DOCK4: variants seen among roughly 807,000 people sequenced by gnomAD.
DOCK4 encodes the protein dedicator of cytokinesis protein 4.
DOCK4 carries 97 observed loss-of-function variants against 268.1 expected under a neutral mutation model. The ratio of observed to expected loss-of-function variants is 0.36; its 90% confidence interval spans 0.31 to 0.43. The LOEUF (loss-of-function observed/expected upper bound fraction) is 0.43, where lower values mean the gene tolerates loss of function less well. Among genes scored for constraint, DOCK4 ranks in the 20% least tolerant of loss-of-function variants. The probability of loss-of-function intolerance (pLI) is 1.00; values close to 1 mark genes in which losing one functional copy is unlikely to be tolerated. For synonymous variants in DOCK4, 954 were observed against 887.2 expected (o/e 1.08, Z -1.34); for missense variants, 2,145 against 2,455.7 (o/e 0.87, Z 2.67).
At chr7:111,867,591 A>T (rs929297075) in intron 22 of DOCK4, among the ~76,000 whole-genome samples, 15 of 152,230 alleles carry the variant, frequency 9.9e-5, no homozygotes, top group Admixed American at 7.9e-4. Context: ...GCTGAGTCCA[A>T]TATAATGATT....
intron 1 of DOCK4, among the ~76,000 whole-genome samples, chr7:112,055,861 T>C (rs1281543673): frequency 6.6e-6 from 1 of 151,442 alleles, no homozygotes; most frequent in Admixed American, 6.6e-5. Flanking sequence ...TGAGCCAAGA[T>C]TATGCCACTG....
intron 1 of DOCK4, among the ~76,000 whole-genome samples, chr7:112,030,751 T>C (rs1803203615): frequency 6.6e-6 from 1 of 152,120 alleles, no homozygotes; most frequent in African/African-American, 2.4e-5. Flanking sequence ...TGGAGAGAGC[T>C]CTGATGATAC....
intron 26 of DOCK4, among the ~76,000 whole-genome samples, chr7:111,833,144 A>G (rs922226767): frequency 3.9e-5 from 6 of 152,206 alleles, no homozygotes; most frequent in Non-Finnish European, 5.9e-5. Context: ...GCTTCTAACG[A>G]AAGTTAATAA....
Position 111,728,453 on chromosome 7 carries a change from GCTCGTAGACGCTGTA to G in DOCK4, c.5734_5748del (p.Tyr1912_Glu1916del). The G allele has an allele frequency of 2.5e-6, 4 of 1,606,044 alleles. No homozygotes were observed. Among genetic ancestry groups the G allele is most frequent in the Non-Finnish European group, 3.4e-6 (4 of 1,175,824 alleles). On this transcript the variant is annotated inframe_deletion, in exon 53 of 53. Coordinates refer to ENST00000428084, the MANE Select transcript of DOCK4 (RefSeq NM_001363540.2). Reference sequence around the variant, plus strand: ...AGCGGGACGGGGCGCCGCAGAGTCCGCTCGTAGACGCTGTACGGGGGCGGAGTCTTGCTCTCCTTG... The same window carrying G: ...AGCGGGACGGGGCGCCGCAGAGTCCGCGGGGGCGGAGTCTTGCTCTCCTTG...
chr7:111,867,842 A>G, intron 22 of DOCK4, 142 bp downstream of exon 22: 1 of 807,034 alleles, frequency 1.2e-6, no homozygotes, highest in Non-Finnish European at 1.8e-6. Context: ...TTAAAAGTCT[A>G]CTCATAAAGT....
chr7:111,841,332 T>C (rs1803677023), intron 25 of DOCK4, among the ~76,000 whole-genome samples: 1 of 151,924 alleles, frequency 6.6e-6, no homozygotes, highest in Non-Finnish European at 1.5e-5. Flanking sequence ...GCCTGGCTAA[T>C]TTTTTTGTAT....
chr7:112,165,547 T>TGTGTGTGTGTGTGC (rs1817530602), intron 1 of DOCK4, among the ~76,000 whole-genome samples: 1 of 139,736 alleles, frequency 7.2e-6, no homozygotes, highest in Non-Finnish European at 1.6e-5. Context: ...TGTGTGTGTG[T>TGTGTGTGTGTGTGC]GTGTGTGTGT....
intron 16 of DOCK4, among the ~76,000 whole-genome samples, chr7:111,885,228 T>C (rs1807734751): frequency 6.6e-6 from 1 of 152,330 alleles, no homozygotes; most frequent in East Asian, 1.9e-4. Context: ...AAACTGCAGA[T>C]GTGAGATTCT....
chr7:111,865,193 AG>A (rs1328798816), intron 22 of DOCK4, among the ~76,000 whole-genome samples: 1 of 152,222 alleles, frequency 6.6e-6, no homozygotes, highest in African/African-American at 2.4e-5. Flanking sequence ...ATGGGTTAGC[AG>A]GTGTGTGTCC....
intron 8 of DOCK4, among the ~76,000 whole-genome samples, chr7:111,961,694 G>A (rs1311986239): frequency 1.3e-5 from 2 of 152,204 alleles, no homozygotes; most frequent in Non-Finnish European, 2.9e-5. Flanking sequence ...TATAACGTAT[G>A]TGTGATATAA....
chr7:112,181,629 G>A (rs1819045032), intron 1 of DOCK4, among the ~76,000 whole-genome samples: 1 of 79,864 alleles, frequency 1.3e-5, no homozygotes, highest in Middle Eastern at 0.017. Context: ...AACAGAGTAA[G>A]ACACTGTCTC....
At chr7:111,906,314 G>A (rs1232696867) in intron 13 of DOCK4, among the ~76,000 whole-genome samples, 3 of 152,018 alleles carry the variant, frequency 2.0e-5, no homozygotes, top group Non-Finnish European at 2.9e-5. Context: ...ATGAAGAAAG[G>A]ACTCAGAACC....
Position 111,900,521 on chromosome 7 carries a change from C to T in DOCK4, c.1333G>A (p.Gly445Ser), listed in dbSNP as rs762687484. The change falls in exon 15 of 53, where the codon GGC becomes AGC. Residue 445 changes from glycine to serine, a missense_variant. Physicochemically the swap from Gly to Ser is moderately conservative, Grantham distance 56. This residue lies in a region of DOCK4 where 1,598 missense variants were observed against 1,986.7 expected (regional missense o/e 0.80). Transcript: ENST00000428084. ...GQTLKDFISFGSGEPPASEYH... is the reference protein window; with the variant it reads ...GQTLKDFISFSSGEPPASEYH... ...TCACTGGCTGGTGGCTCCCCAGAGC[C>T]GAAGGAGATAAAATCCTAACAAAGG... 4.3e-6 allele frequency: 7 copies of T among 1,610,686 alleles called. No homozygotes were observed. The highest frequency in any genetic ancestry group is 5.9e-6 in the Non-Finnish European group (7 of 1,178,594).
At chr7:112,004,343 T>C (rs1013664641) in intron 1 of DOCK4, among the ~76,000 whole-genome samples, 7 of 152,190 alleles carry the variant, frequency 4.6e-5, no homozygotes, top group African/African-American at 1.7e-4. Context: ...GCATTTCACA[T>C]ATATGAAATT....
intron 23 of DOCK4, among the ~76,000 whole-genome samples, chr7:111,860,886 A>T (rs1805454525): frequency 6.6e-6 from 1 of 152,232 alleles, no homozygotes; most frequent in Non-Finnish European, 1.5e-5. Flanking sequence ...CCAAGGACAG[A>T]TTACATTGCT....
intron 1 of DOCK4, among the ~76,000 whole-genome samples, chr7:112,093,067 T>G (rs976399746): frequency 4.1e-4 from 63 of 152,162 alleles, no homozygotes; most frequent in Admixed American, 4.1e-3. Context: ...TGGAGATAAT[T>G]ATATCAGAAT....
intron 50 of DOCK4, 70 bp downstream of exon 50, chr7:111,736,847 G>C (rs760442905): frequency 6.4e-5 from 88 of 1,378,940 alleles, no homozygotes; most frequent in African/African-American, 8.6e-5. Context: ...CAGACACACA[G>C]AAGACTGGAG....
At chr7:111,747,760 T>G (rs1378595000) in intron 42 of DOCK4, among the ~76,000 whole-genome samples, 1 of 152,122 alleles carries the variant, frequency 6.6e-6, no homozygotes, top group African/African-American at 2.4e-5. Flanking sequence ...AAAACTAGTT[T>G]TTTTTTTCTT....
At chr7:111,781,366 T>C (rs1798773570) in intron 35 of DOCK4, among the ~76,000 whole-genome samples, 1 of 152,164 alleles carries the variant, frequency 6.6e-6, no homozygotes, top group African/African-American at 2.4e-5. Context: ...GGGTCTTCAC[T>C]GTGATGAGAG....
Sources: gnomAD v4.1 joint callset for allele counts (sites outside exome capture counted in the v4.1 genomes callset) on GRCh38, gnomAD v4.1.1 for gene constraint, gnomAD v4.1.1 regional missense constraint, MANE v1.5 for transcripts, NCBI Gene and HGNC (gene_info 2026-07-23, HGNC 2026-07-21) for gene names.